The following CENPC variants were observed in gnomAD, a reference collection of about 807,000 sequenced individuals.
The protein encoded by CENPC is centromere protein C.
In CENPC, 63 loss-of-function variants were observed where a neutral mutation model predicts 112.1. That is an observed-to-expected ratio of 0.56 (90% confidence interval 0.46 to 0.69). CENPC has a LOEUF of 0.69. Ranked by LOEUF, CENPC falls within the 30% of genes least tolerant of loss-of-function variation. The pLI is 0.00. For missense variants in CENPC, 1,000 were observed against 1,103.8 expected, an observed-to-expected ratio of 0.91 and a Z score of 1.33; for synonymous variants, 333 against 367.6, an observed-to-expected ratio of 0.91 and a Z score of 1.08.
chr4:67,493,783 G>A (rs1247330172), intron 14 of CENPC, 101 bp downstream of exon 14: 2 of 646,782 alleles, frequency 3.1e-6, no homozygotes, highest in Non-Finnish European at 5.3e-6. Flanking sequence ...TTGGGGGGGT[G>A]ATGATTAAGT....
intron 14 of CENPC, 49 bp from the exon 15 acceptor site, chr4:67,493,046 T>C: frequency 7.0e-7 from 1 of 1,422,658 alleles, no homozygotes; most frequent in Non-Finnish European, 9.3e-7. Flanking sequence ...GACAAAATCT[T>C]GAAACAAAAC....
chr4:67,496,358 A>G (rs1006134148), intron 12 of CENPC, among the ~76,000 whole-genome samples: 4 of 152,248 alleles, frequency 2.6e-5, no homozygotes, highest in African/African-American at 7.2e-5. Flanking sequence ...AAGTCAATTC[A>G]TAGAACCATG....
intron 10 of CENPC, 87 bp downstream of exon 10, chr4:67,508,727 A>G (rs1725804733): frequency 7.3e-6 from 9 of 1,227,548 alleles, no homozygotes; most frequent in South Asian, 3.0e-5. Context: ...CATGCTAATT[A>G]CTGCCTGTCC....
chr4:67,483,402 C>T (rs910490494), intron 17 of CENPC, among the ~76,000 whole-genome samples: 3 of 151,992 alleles, frequency 2.0e-5, no homozygotes, highest in African/African-American at 7.2e-5. Flanking sequence ...ACTTGTTCTC[C>T]AAAACCTATT....
At chr4:67,518,454 T>C in intron 6 of CENPC, 86 bp from the exon 7 acceptor site, 1 of 1,303,760 alleles carries the variant, frequency 7.7e-7, no homozygotes, top group Non-Finnish European at 9.8e-7. Context: ...ACAGAGACAA[T>C]ACAGACCAAT....
rs370870458 is a variant in CENPC at position 67,474,930 on chromosome 4, G to A, written c.2719C>T (p.Pro907Ser). The change falls in exon 18 of 19, where the codon CCT becomes TCT. Residue 907 changes from proline (P) to serine (S), a missense_variant. Transcript: ENST00000273853. Reference protein sequence around the residue: ...GDLLCTLHETPYILSTGDSFY... With the variant: ...GDLLCTLHETSYILSTGDSFY... ...GAATCCCCAGTACTTAATATATAAG[G>A]TGTTTCATGTAAAGTACACAAAAGG... 5.1e-5 allele frequency: 80 copies of A among 1,582,226 alleles called. No homozygotes were observed. In the South Asian group the frequency reaches 8.9e-4, roughly 18 times the overall value.
At chr4:67,475,078 T>C in intron 17 of CENPC, 100 bp from the exon 18 acceptor site, 1 of 666,914 alleles carries the variant, frequency 1.5e-6, no homozygotes, top group Non-Finnish European at 2.6e-6. Flanking sequence ...TCCCCACAAA[T>C]GTGCTGGCTT....
chr4:67,509,136 T>C (rs534372989), intron 9 of CENPC, 31 bp from the exon 10 acceptor site: 11 of 1,551,964 alleles, frequency 7.1e-6, no homozygotes, highest in Admixed American at 1.9e-5. Context: ...CTAAAGTTAG[T>C]AAGTTTGTCC....
chr4:67,479,456 TCTC>T (rs1004889681), intron 17 of CENPC, among the ~76,000 whole-genome samples: 18 of 152,180 alleles, frequency 1.2e-4, no homozygotes, highest in African/African-American at 3.9e-4. Context: ...AATTAAATAA[TCTC>T]CTCCTGAATG....
chr4:67,545,247 T>C (rs2109841436), intron 1 of CENPC, 91 bp downstream of exon 1: 1 of 1,286,966 alleles, frequency 7.8e-7, no homozygotes, highest in South Asian at 1.7e-5. Context: ...GATCACAGCC[T>C]CAGCCTAGCA....
At chr4:67,526,501 A>G (rs1726385462) in intron 5 of CENPC, among the ~76,000 whole-genome samples, 2 of 152,180 alleles carry the variant, frequency 1.3e-5, no homozygotes, top group Admixed American at 1.3e-4. Context: ...TATAACTATT[A>G]AAGAATTAAT....
In CENPC at chr4:67,469,717, A is replaced by C. The variant is rs150705780; in HGVS notation, c.*2888T>G. The C allele has an allele frequency of 6.6e-6, 1 of 152,308 alleles. No homozygotes were observed. Among genetic ancestry groups the C allele is most frequent in the Non-Finnish European group, 1.5e-5 (1 of 68,026 alleles). 9.4% of individuals were successfully genotyped at this position (152,308 alleles called of 1,614,324 possible). A position where few individuals can be genotyped will look rare whatever the true frequency, so the allele number is the denominator to read the frequency against. ...AAGTAGGCAGGACTGTGATTCTTTA[A>C]AGACATGAAATTAACTCCATAGTCA... On this transcript the variant is annotated 3_prime_UTR_variant, in exon 19 of 19. Coordinates refer to ENST00000273853, the MANE Select transcript of CENPC (RefSeq NM_001812.4).
At chr4:67,514,795 A>C in intron 7 of CENPC, 108 bp from the exon 8 acceptor site, 1 of 1,088,896 alleles carries the variant, frequency 9.2e-7, no homozygotes, top group Non-Finnish European at 1.3e-6. Flanking sequence ...TAAACTGTTT[A>C]TATATCTCCT....
chr4:67,523,353 A>G (rs1366513864), intron 5 of CENPC, among the ~76,000 whole-genome samples: 3 of 152,178 alleles, frequency 2.0e-5, no homozygotes, highest in Non-Finnish European at 4.4e-5. Context: ...CTGAAGGCAA[A>G]AGAAACTGTA....
At chr4:67,509,162 C>A (rs1725822709) in intron 9 of CENPC, 57 bp from the exon 10 acceptor site, 4 of 1,256,572 alleles carry the variant, frequency 3.2e-6, no homozygotes, top group Non-Finnish European at 4.4e-6. Flanking sequence ...ATTTGGCTCA[C>A]TGAAATACCA....
chr4:67,499,608 G>A (rs914559707), intron 12 of CENPC, among the ~76,000 whole-genome samples: 2 of 152,326 alleles, frequency 1.3e-5, no homozygotes, highest in African/African-American at 4.8e-5. Flanking sequence ...GCTGTGGCTT[G>A]TTTAATCCTC....
chr4:67,486,166 A>T (rs925317488), intron 17 of CENPC, among the ~76,000 whole-genome samples: 2 of 152,160 alleles, frequency 1.3e-5, no homozygotes, highest in African/African-American at 4.8e-5. Context: ...TCATTTCTGT[A>T]AACATTTAAT....
intron 17 of CENPC, among the ~76,000 whole-genome samples, chr4:67,481,506 T>C (rs2109764613): frequency 6.6e-6 from 1 of 152,320 alleles, no homozygotes; most frequent in Non-Finnish European, 1.5e-5. Flanking sequence ...CTTCAAACTA[T>C]ACTATAAACA....
rs1184975864 is a variant in CENPC at position 67,514,578 on chromosome 4, T to C, written c.940A>G (p.Ser314Gly). 4 of 1,610,224 alleles carry C rather than the reference T, an allele frequency of 2.5e-6. No homozygotes were observed. Among genetic ancestry groups the C allele is most frequent in the Admixed American group, 3.4e-5 (2 of 59,444 alleles). Residue 314 changes from serine to glycine, a missense_variant, in exon 8 of 19, where the codon AGT becomes GGT. Ser to Gly is a moderately conservative substitution (Grantham distance 56). Coordinates refer to ENST00000273853, the MANE Select transcript of CENPC (RefSeq NM_001812.4). The stretch of plus-strand genomic sequence containing the variant: ...CTTGGTATTGTAATCCAAGATCTAC[T>C]GGCAAAACTTTGATCCGACTCATCA... Reference protein sequence around the residue: ...IIDESDQSFASRSWITIPRKA... With the variant: ...IIDESDQSFAGRSWITIPRKA...
Sources: gnomAD v4.1 joint callset for allele counts (sites outside exome capture counted in the v4.1 genomes callset) on GRCh38, gnomAD v4.1.1 for gene constraint, MANE v1.5 for transcripts, NCBI Gene and HGNC (gene_info 2026-07-23, HGNC 2026-07-21) for gene names.